The following FRYL variants were observed in gnomAD, a reference collection of about 807,000 sequenced individuals.
The protein encoded by FRYL is protein furry homolog-like.
A neutral mutation model predicts 351.2 loss-of-function variants in FRYL; 150 were observed. The ratio of observed to expected loss-of-function variants is 0.43; its 90% CI spans 0.37 to 0.49. The LOEUF (loss-of-function observed/expected upper bound fraction) is 0.49. FRYL is among the 20% of genes least tolerant of loss of function. The probability of loss-of-function intolerance (pLI) is 0.00; values close to 1 mark genes in which losing one functional copy is unlikely to be tolerated. For synonymous variants in FRYL, 1,153 were observed against 1,257.1 expected (o/e 0.92, Z 1.75); for missense variants, 3,036 against 3,619.3 (o/e 0.84, Z 4.13).
intron 3 of FRYL, among the ~76,000 whole-genome samples, chr4:48,660,238 G>A (rs1578592698): frequency 6.6e-6 from 1 of 152,136 alleles, no homozygotes; most frequent in Non-Finnish European, 1.5e-5. Context: ...TGATATAAAT[G>A]AATGACTGAA....
At chr4:48,682,172 C>A (rs539766093) in intron 3 of FRYL, among the ~76,000 whole-genome samples, 109 of 152,182 alleles carry the variant, frequency 7.2e-4, no homozygotes, top group Non-Finnish European at 1.1e-3. Flanking sequence ...CTCATTCTTC[C>A]AATGCTCAAC....
At chr4:48,752,096 G>A (rs1239665777) in intron 1 of FRYL, among the ~76,000 whole-genome samples, 1 of 152,158 alleles carries the variant, frequency 6.6e-6, no homozygotes, top group Non-Finnish European at 1.5e-5. Context: ...GGCAAATAGT[G>A]AATGTGAATA....
intron 3 of FRYL, among the ~76,000 whole-genome samples, chr4:48,670,058 A>G (rs1467474376): frequency 3.3e-5 from 5 of 152,172 alleles, no homozygotes; most frequent in Admixed American, 3.3e-4. Flanking sequence ...TAAATGGAGT[A>G]CCCATCACCT....
intron 1 of FRYL, among the ~76,000 whole-genome samples, chr4:48,776,701 G>A (rs1382807985): frequency 6.6e-6 from 1 of 152,158 alleles, no homozygotes; most frequent in Non-Finnish European, 1.5e-5. Flanking sequence ...GGGCCAGATG[G>A]ATGATCCCTG....
At chr4:48,679,997 C>A (rs1764367326) in intron 3 of FRYL, among the ~76,000 whole-genome samples, 1 of 151,870 alleles carries the variant, frequency 6.6e-6, no homozygotes, top group South Asian at 2.1e-4. Context: ...CACAACAAAG[C>A]ACATTTCAAA....
chr4:48,710,725 G>C (rs1334473284), intron 1 of FRYL, 27 bp from the exon 2 acceptor site: 6 of 396,540 alleles, frequency 1.5e-5, no homozygotes, highest in East Asian at 1.1e-4. Context: ...TAGGAAATAT[G>C]GTCATCACTA....
rs2149079793 is a variant in FRYL, at chr4:48,565,711, G to T, written c.3170-20C>A. 1 of 1,599,230 alleles carries T rather than the reference G, an allele frequency of 6.3e-7. No homozygotes were observed. Among genetic ancestry groups the T allele is most frequent in the Admixed American group, 1.8e-5 (1 of 55,790 alleles). ...GGTGCACTGTGAATAAAAAAAGATA[G>T]AAAACATTTATTTCCATTTCTTTTT... On this transcript the variant is annotated intron_variant, in intron 28 of 63. Coordinates refer to ENST00000358350, the MANE Select transcript of FRYL (RefSeq NM_015030.2).
At chr4:48,700,036 C>G (rs769377772) in intron 2 of FRYL, among the ~76,000 whole-genome samples, 3 of 152,152 alleles carry the variant, frequency 2.0e-5, no homozygotes, top group Non-Finnish European at 4.4e-5. Flanking sequence ...GTCCGACTGC[C>G]TATCGAGCAC....
intron 3 of FRYL, among the ~76,000 whole-genome samples, chr4:48,674,131 C>A (rs527338441): frequency 2.0e-5 from 3 of 152,060 alleles, no homozygotes; most frequent in African/African-American, 7.2e-5. Flanking sequence ...GAATGAACAG[C>A]GACAATATTA....
At chr4:48,628,431 C>CGTGTGTGTGTGTGTGTGTGTGT (rs397993302) in intron 4 of FRYL, among the ~76,000 whole-genome samples, 8 of 144,662 alleles carry the variant, frequency 5.5e-5, no homozygotes, top group Admixed American at 1.4e-4. Context: ...CCTTCATTTG[C>CGTGTGTGTGTGTGTGTGTGTGT]GTGTGTGTGT....
chr4:48,565,835 G>A, intron 28 of FRYL, 144 bp from the exon 29 acceptor site: 1 of 731,178 alleles, frequency 1.4e-6, no homozygotes, highest in Non-Finnish European at 2.2e-6. Flanking sequence ...CGCGGTAGCA[G>A]GGATCATTTA....
At chr4:48,662,796 T>A (rs796918191) in intron 3 of FRYL, among the ~76,000 whole-genome samples, 10 of 145,266 alleles carry the variant, frequency 6.9e-5, no homozygotes, top group African/African-American at 2.3e-4. Context: ...CAGGAAATTA[T>A]ACAAGGCAGA....
intron 20 of FRYL, among the ~76,000 whole-genome samples, chr4:48,581,904 T>C (rs539816460): frequency 3.3e-5 from 5 of 152,258 alleles, no homozygotes; most frequent in African/African-American, 1.2e-4. Flanking sequence ...GGGATTGTAG[T>C]GTATCTTTCA....
At position 48,514,902 on chromosome 4, in the gene FRYL, G is replaced by A. The variant is rs1334371571; in HGVS notation, c.7937+126C>T. On this transcript the variant is annotated intron_variant, in intron 56 of 63. Transcript: ENST00000358350. ...ATGATTCTAGACTAAAACACACAAA[G>A]TATGATTACAGACTGAAACACACAA... The A allele has an allele frequency of 2.5e-5, 20 of 802,668 alleles. No individual in the cohort carries two copies. In the East Asian group the frequency reaches 4.4e-4, roughly 18 times the overall value. 49.7% of individuals were successfully genotyped at this position (802,668 alleles called of 1,614,324 possible). A position where few individuals can be genotyped will look rare whatever the true frequency, so the allele number is the denominator to read the frequency against.
chr4:48,682,977 A>G (rs535720871), intron 3 of FRYL, among the ~76,000 whole-genome samples: 1 of 152,306 alleles, frequency 6.6e-6, no homozygotes, highest in East Asian at 1.9e-4. Context: ...ACGTATGTAT[A>G]TTGCGGCACT....
In FRYL at chr4:48,557,264, C is replaced by T. The variant is rs1734327627; in HGVS notation, c.4126-146G>A. On this transcript the variant is annotated intron_variant, in intron 34 of 63. Coordinates refer to ENST00000358350, the MANE Select transcript of FRYL (RefSeq NM_015030.2). ...TTACAGAAACAATAATTTCTTCCAA[C>T]AAATCTAAACATAAATATAATTAAT... is the stretch of plus-strand genomic sequence containing the variant. 6 of 1,193,116 alleles carry T rather than the reference C, an allele frequency of 5.0e-6. No individual in the cohort carries two copies. In the Admixed American group the frequency reaches 1.7e-4, roughly 33 times the overall value. 73.9% of individuals were successfully genotyped at this position (1,193,116 alleles called of 1,614,324 possible). A position where few individuals can be genotyped will look rare whatever the true frequency, so the allele number is the denominator to read the frequency against.
At chr4:48,623,412 A>C (rs1270727360) in intron 4 of FRYL, among the ~76,000 whole-genome samples, 1 of 152,180 alleles carries the variant, frequency 6.6e-6, no homozygotes, top group Non-Finnish European at 1.5e-5. Context: ...ATACCAAAGA[A>C]AGTGGTTGTG....
intron 2 of FRYL, among the ~76,000 whole-genome samples, chr4:48,709,380 G>A (rs780154188): frequency 3.3e-5 from 5 of 152,112 alleles, no homozygotes; most frequent in Admixed American, 1.3e-4. Flanking sequence ...AGAAAGAGAC[G>A]GTCTGAGTGA....
chr4:48,575,047 A>G, intron 25 of FRYL, 70 bp downstream of exon 25: 1 of 1,510,904 alleles, frequency 6.6e-7, no homozygotes, highest in African/African-American at 1.4e-5. Context: ...CCTTCTAAGG[A>G]CCCTACCACA....
Sources: gnomAD v4.1 joint callset for allele counts (sites outside exome capture counted in the v4.1 genomes callset) on GRCh38, gnomAD v4.1.1 for gene constraint, MANE v1.5 for transcripts, NCBI Gene and HGNC (gene_info 2026-07-23, HGNC 2026-07-21) for gene names.